The following NLGN1 variants were observed in gnomAD, a reference collection of about 807,000 sequenced individuals.
NLGN1 encodes neuroligin-1.
NLGN1 carries 12 observed loss-of-function variants against 65.5 expected under a neutral mutation model. The observed-to-expected ratio is 0.18, with a 90% CI of 0.12 to 0.30. The LOEUF (loss-of-function observed/expected upper bound fraction) is 0.30, where lower values mean the gene tolerates loss of function less well. Among genes scored for constraint, NLGN1 ranks in the 10% least tolerant of loss-of-function variants. The pLI is 1.00. For missense variants in NLGN1, 750 were observed against 1,007.1 expected (o/e 0.74, Z 3.46); for synonymous variants, 350 against 359.5 (o/e 0.97, Z 0.30).
chr3:173,800,259 T>C (rs971968231), intron 3 of NLGN1: 20 of 841,178 alleles, frequency 2.4e-5, no homozygotes, highest in Non-Finnish European at 3.2e-5. Context: ...TTGTCTTTTT[T>C]TTTTTTCCTC....
intron 3 of NLGN1, among the ~76,000 whole-genome samples, chr3:173,781,008 G>A (rs927327275): frequency 5.3e-5 from 8 of 151,864 alleles, no homozygotes; most frequent in Middle Eastern, 3.4e-3. Context: ...GCCAGGCGTG[G>A]TGGCGGGCGC....
At chr3:173,403,615 A>G in intron 1 of NLGN1, among the ~76,000 whole-genome samples, 1 of 152,150 alleles carries the variant, frequency 6.6e-6, no homozygotes, top group Non-Finnish European at 1.5e-5. Flanking sequence ...TTTGTAAACA[A>G]GGAAAGCTTT....
intron 4 of NLGN1, among the ~76,000 whole-genome samples, chr3:174,167,363 A>G (rs1727688143): frequency 6.6e-6 from 1 of 152,140 alleles, no homozygotes; most frequent in South Asian, 2.1e-4. Flanking sequence ...AACCCCCTTC[A>G]GGATCTCTTG....
intron 4 of NLGN1, among the ~76,000 whole-genome samples, chr3:174,011,172 C>T (rs960918577): frequency 1.3e-5 from 2 of 152,106 alleles, no homozygotes; most frequent in Admixed American, 6.6e-5. Context: ...TGGTCAAATG[C>T]ATTCATCTTT....
At chr3:173,803,839 G>C (rs1313126150) in intron 3 of NLGN1, among the ~76,000 whole-genome samples, 3 of 151,952 alleles carry the variant, frequency 2.0e-5, no homozygotes, top group Non-Finnish European at 4.4e-5. Context: ...TTTTATAATA[G>C]AGAAAGATTT....
At chr3:174,098,116 A>G (rs368020605) in intron 4 of NLGN1, among the ~76,000 whole-genome samples, 84 of 152,208 alleles carry the variant, frequency 5.5e-4, no homozygotes, top group African/African-American at 1.8e-3. Context: ...GGAAATTTAC[A>G]TACAAATCAC....
chr3:173,579,091 T>C (rs528221251), intron 2 of NLGN1, among the ~76,000 whole-genome samples: 4 of 152,382 alleles, frequency 2.6e-5, no homozygotes, highest in African/African-American at 9.6e-5. Context: ...ATTTCTGATT[T>C]AAACCCTTTT....
intron 3 of NLGN1, among the ~76,000 whole-genome samples, chr3:173,710,499 C>T (rs1261557451): frequency 6.6e-6 from 1 of 152,114 alleles, no homozygotes; most frequent in Non-Finnish European, 1.5e-5. Context: ...TTGTTACGTA[C>T]TAAAAGCAAG....
intron 4 of NLGN1, among the ~76,000 whole-genome samples, chr3:174,274,789 A>C (rs1750203197): frequency 6.6e-6 from 1 of 151,760 alleles, no homozygotes; most frequent in African/African-American, 2.4e-5. Flanking sequence ...ATATATGCAG[A>C]GTTCTATATA....
intron 4 of NLGN1, among the ~76,000 whole-genome samples, chr3:174,205,678 T>C (rs183944205): frequency 4.6e-5 from 7 of 152,326 alleles, no homozygotes; most frequent in African/African-American, 1.7e-4. Context: ...CCTTATCTAA[T>C]TTCTGTGTTT....
intron 4 of NLGN1, among the ~76,000 whole-genome samples, chr3:174,173,166 T>C (rs1021964290): frequency 6.6e-6 from 1 of 152,158 alleles, no homozygotes; most frequent in Non-Finnish European, 1.5e-5. Flanking sequence ...TGATTTTGTA[T>C]CCTGCAACTT....
At chr3:173,457,550 A>G (rs1722706643) in intron 2 of NLGN1, among the ~76,000 whole-genome samples, 1 of 152,152 alleles carries the variant, frequency 6.6e-6, no homozygotes, top group African/African-American at 2.4e-5. Context: ...AAGGCCCTTG[A>G]GGATTTTAAA....
intron 3 of NLGN1, among the ~76,000 whole-genome samples, chr3:173,628,202 C>A (rs903779255): frequency 1.3e-5 from 2 of 152,112 alleles, no homozygotes; most frequent in African/African-American, 4.8e-5. Context: ...GTAACATGTT[C>A]TTCTTACTGG....
intron 2 of NLGN1, among the ~76,000 whole-genome samples, chr3:173,588,763 G>A (rs1163751401): frequency 6.6e-6 from 1 of 152,134 alleles, no homozygotes; most frequent in Non-Finnish European, 1.5e-5. Context: ...TGCCTCTTTT[G>A]TGTGAAACCT....
intron 4 of NLGN1, among the ~76,000 whole-genome samples, chr3:173,907,903 AG>A (rs1738780843): frequency 6.6e-6 from 1 of 152,070 alleles, no homozygotes; most frequent in African/African-American, 2.4e-5. Context: ...TATTCTTAGT[AG>A]AGACGGGGTT....
intron 2 of NLGN1, among the ~76,000 whole-genome samples, chr3:173,557,936 A>T (rs1354415172): frequency 1.3e-5 from 2 of 152,100 alleles, no homozygotes; most frequent in African/African-American, 4.8e-5. Flanking sequence ...ATTTGGTAGC[A>T]TCAATTTTTT....
chr3:174,251,260 T>C lies in NLGN1; in HGVS notation c.647-24055T>C, dbSNP rs533076646. On this transcript the variant is annotated intron_variant, in intron 4 of 6. Coordinates refer to ENST00000457714, the Ensembl canonical transcript of NLGN1. ...CATGAGTAATGATGTAAGAAAATTCTTTGTAAGAAATGGTTGGATAGCCTT... is the reference window on the plus strand; with the variant it reads ...CATGAGTAATGATGTAAGAAAATTCCTTGTAAGAAATGGTTGGATAGCCTT... Among the ~76,000 whole-genome samples the C allele has an allele frequency of 3.9e-5, 6 of 152,348 alleles. No homozygotes were observed. In the South Asian group the frequency reaches 1.2e-3, roughly 32 times the overall value.
At chr3:173,832,076 A>G (rs1455036314) in intron 4 of NLGN1, among the ~76,000 whole-genome samples, 3 of 150,846 alleles carry the variant, frequency 2.0e-5, no homozygotes, top group Admixed American at 1.3e-4. Context: ...TTCCACCTCA[A>G]CCTCTCAAGT....
At chr3:174,024,633 A>G (rs1728487168) in intron 4 of NLGN1, among the ~76,000 whole-genome samples, 1 of 152,202 alleles carries the variant, frequency 6.6e-6, no homozygotes, top group South Asian at 2.1e-4. Flanking sequence ...AATAAAAAAT[A>G]GTCATTATTC....
Sources: allele counts gnomAD v4.1 joint callset (sites outside exome capture counted in the v4.1 genomes callset), GRCh38; gene constraint gnomAD v4.1.1; transcripts MANE v1.5; gene names NCBI Gene and HGNC (gene_info 2026-07-23, HGNC 2026-07-21).